AGBL1: variants seen among roughly 807,000 people sequenced by gnomAD.
AGBL1 encodes cytosolic carboxypeptidase 4.
A neutral mutation model predicts 118.9 loss-of-function variants in AGBL1; 130 were observed. The observed-to-expected ratio is 1.09, with a 90% confidence interval of 0.95 to 1.26. The LOEUF (loss-of-function observed/expected upper bound fraction) is 1.26, where lower values mean the gene tolerates loss of function less well. Among genes scored for constraint, AGBL1 ranks in the 50% most tolerant of loss-of-function variants. The pLI is 0.00. For missense variants in AGBL1, 1,584 were observed against 1,298.1 expected, an observed-to-expected ratio of 1.22 and a Z score of -3.38; for synonymous variants, 555 against 478.9, an observed-to-expected ratio of 1.16 and a Z score of -2.08.
chr15:86,537,502 A>T (rs1001867434), intron 19 of AGBL1, among the ~76,000 whole-genome samples: 2 of 152,242 alleles, frequency 1.3e-5, no homozygotes, highest in Non-Finnish European at 2.9e-5. Context: ...CTTCCCAGGA[A>T]CTCACTGCAT....
chr15:86,315,260 A>T (rs7181154), intron 17 of AGBL1, among the ~76,000 whole-genome samples: 101,035 of 151,948 alleles, frequency 0.66, 34,118 homozygotes, highest in Middle Eastern at 0.73. Context: ...AGGTGTAGGT[A>T]TTGGAGTCAC....
chr15:86,196,879 G>GCGCGCGCGCGCA lies in AGBL1; in HGVS notation c.489-28034_489-28033insGCGCGCGCGCAC, dbSNP rs756313941. On this transcript the variant is annotated intron_variant, in intron 5 of 22. Transcript: ENST00000614907. ...CGAATGTGCACATGTGCGCGCGCGC[G>GCGCGCGCGCGCA]CACACACACACACACACACACACAC... Among the ~76,000 whole-genome samples, 86 of 117,002 alleles carry GCGCGCGCGCGCA rather than the reference G, an allele frequency of 7.4e-4. 1 individual carries two copies. The highest frequency in any genetic ancestry group is 2.6e-3 in the African/African-American group (72 of 27,650). The allele number at this position is 117,002 out of a possible 152,430, so 76.8% of individuals were successfully genotyped here.
chr15:86,674,423 C>T lies in AGBL1; in HGVS notation c.3145C>T (p.Gln1049Ter). The change falls in exon 22 of 23, where the codon CAG becomes TAG. Residue 1049 changes from glutamine to a stop codon, truncating the protein, a stop_gained. Transcript: ENST00000614907. LOFTEE classifies it low-confidence loss of function (END_TRUNC). Reference protein sequence around the residue: ...LLSAEEDALDQHLQRCSSSSG... With the variant: ...LLSAEEDALD ...GAGTGCTGAGGAGGACGCTCTGGAC[C>T]AGCACCTCCAACGGTAAGATGCTCC... 1 of 1,606,592 alleles carries T rather than the reference C, an allele frequency of 6.2e-7. No homozygotes were observed. Among genetic ancestry groups the T allele is most frequent in the Non-Finnish European group, 8.5e-7 (1 of 1,174,288 alleles).
At chr15:86,811,466 T>G (rs1214712813) in intron 22 of AGBL1, among the ~76,000 whole-genome samples, 2 of 152,156 alleles carry the variant, frequency 1.3e-5, no homozygotes, top group Non-Finnish European at 2.9e-5. Context: ...CTCTTTTAAT[T>G]AAAAGTAAAA....
chr15:86,814,680 C>A, intron 22 of AGBL1, among the ~76,000 whole-genome samples: 1 of 152,156 alleles, frequency 6.6e-6, no homozygotes, highest in Non-Finnish European at 1.5e-5. Flanking sequence ...ATGGTTAATG[C>A]TCTGGAGCTG....
At chr15:86,948,882 G>C (rs182932941) in intron 23 of AGBL1, among the ~76,000 whole-genome samples, 14 of 152,332 alleles carry the variant, frequency 9.2e-5, no homozygotes, top group African/African-American at 3.4e-4. Context: ...AAGGCCTGTA[G>C]GCCCTGGATA....
intron 23 of AGBL1, chr15:86,987,878 G>C: frequency 7.5e-7 from 1 of 1,334,188 alleles, no homozygotes; most frequent in Non-Finnish European, 1.0e-6. Flanking sequence ...TCCTATTAAA[G>C]TTTGTTTTTC....
At chr15:86,236,666 GTTTAATAGT>G (rs2078548379) in intron 6 of AGBL1, among the ~76,000 whole-genome samples, 1 of 151,938 alleles carries the variant, frequency 6.6e-6, no homozygotes, top group African/African-American at 2.4e-5. Flanking sequence ...GGAGTGGAGA[GTTTAATAGT>G]AAAGAAAGAA....
chr15:86,589,552 A>C (rs910300872), intron 21 of AGBL1, among the ~76,000 whole-genome samples: 1 of 152,212 alleles, frequency 6.6e-6, no homozygotes, highest in South Asian at 2.1e-4. Flanking sequence ...GCCTGGAACC[A>C]GATGCCTATT....
chr15:86,878,170 C>T (rs2079839922), intron 22 of AGBL1, among the ~76,000 whole-genome samples: 1 of 152,188 alleles, frequency 6.6e-6, no homozygotes, highest in African/African-American at 2.4e-5. Flanking sequence ...TGAAGACATG[C>T]TTTTATGCAT....
chr15:86,131,686 G>A (rs1031544429), intron 1 of AGBL1, among the ~76,000 whole-genome samples: 3 of 152,072 alleles, frequency 2.0e-5, no homozygotes, highest in East Asian at 1.9e-4. Context: ...GGTGGCTCAC[G>A]CCTGTAAATC....
At chr15:86,739,487 T>G (rs537948639) in intron 22 of AGBL1, among the ~76,000 whole-genome samples, 1 of 150,398 alleles carries the variant, frequency 6.6e-6, no homozygotes, top group South Asian at 2.1e-4. Flanking sequence ...AAAAAAATTT[T>G]TCACAGGATC....
intron 22 of AGBL1, among the ~76,000 whole-genome samples, chr15:86,801,702 C>G (rs1297376329): frequency 2.0e-5 from 3 of 152,088 alleles, no homozygotes; most frequent in Non-Finnish European, 4.4e-5. Context: ...ACATGGAGAT[C>G]TCTCCATCAT....
At chr15:86,653,408 T>C (rs923210507) in intron 21 of AGBL1, among the ~76,000 whole-genome samples, 2 of 152,204 alleles carry the variant, frequency 1.3e-5, no homozygotes, top group African/African-American at 4.8e-5. Flanking sequence ...TGTATTATTC[T>C]CAAGCCCTAG....
At chr15:86,678,106 C>T (rs4605127) in intron 22 of AGBL1, among the ~76,000 whole-genome samples, 65,506 of 152,010 alleles carry the variant, frequency 0.43, 16,451 homozygotes, top group Non-Finnish European at 0.58. Context: ...CTATGTATCA[C>T]CCCACAAAGT....
At chr15:86,387,431 C>T (rs748781122) in intron 17 of AGBL1, among the ~76,000 whole-genome samples, 7 of 152,004 alleles carry the variant, frequency 4.6e-5, no homozygotes, top group Admixed American at 1.3e-4. Context: ...TACCATCAGA[C>T]TTAGGTTTTC....
At chr15:86,674,086 A>G (rs564639176) in intron 21 of AGBL1, among the ~76,000 whole-genome samples, 187 bp from the exon 22 acceptor site, 1 of 152,264 alleles carries the variant, frequency 6.6e-6, no homozygotes, top group African/African-American at 2.4e-5. Context: ...TGTCGACATC[A>G]CACAGACTGA....
At chr15:86,607,813 C>G (rs1434097401) in intron 21 of AGBL1, among the ~76,000 whole-genome samples, 1 of 152,048 alleles carries the variant, frequency 6.6e-6, no homozygotes, top group African/African-American at 2.4e-5. Context: ...TTTCTGATGT[C>G]TCAAGGGGAA....
chr15:86,516,688 C>A (rs1027281707), intron 18 of AGBL1, among the ~76,000 whole-genome samples: 15 of 151,364 alleles, frequency 9.9e-5, no homozygotes, highest in Non-Finnish European at 2.2e-4. Flanking sequence ...GTAATCCCAG[C>A]TACTCTGGAG....
Sources: allele counts gnomAD v4.1 joint callset (sites outside exome capture counted in the v4.1 genomes callset), GRCh38; gene constraint gnomAD v4.1.1; transcripts MANE v1.5; gene names NCBI Gene and HGNC (gene_info 2026-07-23, HGNC 2026-07-21).